The following SLC35F4 variants were observed in gnomAD, a reference collection of about 807,000 sequenced individuals.
SLC35F4 encodes chromosome 14 open reading frame 36.
SLC35F4 carries 24 observed loss-of-function variants against 44.2 expected under a neutral mutation model. The observed-to-expected ratio is 0.54, with a 90% CI of 0.39 to 0.76. SLC35F4 has a LOEUF of 0.76. Among genes scored for constraint, SLC35F4 ranks in the 30% least tolerant of loss-of-function variants. The probability of loss-of-function intolerance (pLI) is 0.00; values close to 1 mark genes in which losing one functional copy is unlikely to be tolerated. For missense variants in SLC35F4, 562 were observed against 586.1 expected (o/e 0.96, Z 0.42); for synonymous variants, 238 against 223.6 (o/e 1.06, Z -0.57).
Position 57,604,184 on chromosome 14 carries a change from C to T in SLC35F4, c.104-10060G>A, listed in dbSNP as rs574253566. 19 of 152,264 alleles carry T rather than the reference C, an allele frequency of 1.2e-4. 1 individual carries two copies. The South Asian group carries it at 1.7e-3, about 13-fold the overall frequency. The allele number at this position is 152,264 out of a possible 1,614,324, so 9.4% of individuals were successfully genotyped here. ...ACATCACTTCTCTTCTGTATCACTC[C>T]GGTCACTGTGATAACGCCAACAGCA... On this transcript the variant is annotated intron_variant, in intron 1 of 7. Coordinates refer to ENST00000556826, the MANE Select transcript of SLC35F4 (RefSeq NM_001306087.2).
At chr14:57,710,172 T>C (rs1251315683) in intron 1 of SLC35F4, among the ~76,000 whole-genome samples, 1 of 152,216 alleles carries the variant, frequency 6.6e-6, no homozygotes, top group Non-Finnish European at 1.5e-5. Flanking sequence ...TCCCAGCTGC[T>C]TCAGCTCCAG....
intron 1 of SLC35F4, among the ~76,000 whole-genome samples, chr14:57,600,877 C>A (rs772112278): frequency 6.6e-5 from 10 of 151,724 alleles, no homozygotes; most frequent in Non-Finnish European, 1.5e-4. Flanking sequence ...TCATAGAAAC[C>A]CACATGGAAT....
rs535883405 is a variant in SLC35F4 at position 57,756,267 on chromosome 14, CTTCATTTCATT to C, written c.103+109445_103+109455del. ...TCACACACCTTTTGGTGGTATTTTC[CTTCATTTCATT>C]TTCATTTCATTCAGTGCAAATTTCA... On this transcript the variant is annotated intron_variant, in intron 1 of 7. Coordinates refer to ENST00000556826, the MANE Select transcript of SLC35F4 (RefSeq NM_001306087.2). Among the ~76,000 whole-genome samples, 5 of 152,192 alleles carry C rather than the reference CTTCATTTCATT, an allele frequency of 3.3e-5. No individual in the cohort carries two copies. The East Asian group carries it at 9.7e-4, about 29-fold the overall frequency.
chr14:57,975,859 G>A (rs1476073673), downstream of SLC35F4, among the ~76,000 whole-genome samples: 1 of 152,212 alleles, frequency 6.6e-6, no homozygotes, highest in African/African-American at 2.4e-5. Flanking sequence ...AAATGGTAGT[G>A]CATAATTGTC....
In SLC35F4 at chr14:57,928,086, C is replaced by A. The variant is rs188519813; in HGVS notation, n.282+53827G>T. On this transcript the variant is annotated intron_variant and non_coding_transcript_variant, in intron 1 of 1. Transcript: ENST00000556568. ...AAAAAAAAACCTGTGGACCCACCCT[C>A]ACCCATACAAGCAAAGACTCATGGG... Among the ~76,000 whole-genome samples, 57 of 151,962 alleles carry A rather than the reference C, an allele frequency of 3.8e-4. 1 individual carries two copies. In the East Asian group the frequency reaches 8.5e-3, roughly 23 times the overall value.
intron 6 of SLC35F4, among the ~76,000 whole-genome samples, chr14:57,567,533 G>A (rs1233997895): frequency 1.3e-5 from 2 of 152,198 alleles, no homozygotes; most frequent in Non-Finnish European, 2.9e-5. Flanking sequence ...GTGCTTGGTA[G>A]TTAGAAACAG....
Position 57,646,421 on chromosome 14 carries a change from A to G in SLC35F4, c.104-52297T>C, listed in dbSNP as rs540190580. On this transcript the variant is annotated intron_variant, in intron 1 of 7. Coordinates refer to ENST00000556826, the MANE Select transcript of SLC35F4 (RefSeq NM_001306087.2). ...CTAGTTTATTTGCGTAGAGGTATCT[A>G]TAGTATTCTCTGACGGTAGTTTGTA... 9.5e-3 allele frequency among the ~76,000 whole-genome samples: 1,442 copies of G among 152,208 alleles called. 30 individuals carry two copies. The highest frequency in any genetic ancestry group is 0.032 in the African/African-American group (1,329 of 41,520).
chr14:57,698,303 T>G (rs2075440589), intron 1 of SLC35F4, among the ~76,000 whole-genome samples: 1 of 152,200 alleles, frequency 6.6e-6, no homozygotes, highest in Admixed American at 6.6e-5. Context: ...AAGATCCTTG[T>G]TAGGGCACAC....
At chr14:57,962,403 C>G (rs1232646900) in intron 1 of SLC35F4, among the ~76,000 whole-genome samples, 2 of 152,192 alleles carry the variant, frequency 1.3e-5, no homozygotes, top group Non-Finnish European at 2.9e-5. Flanking sequence ...TCCCTGTGAG[C>G]AGCCCTGGCA....
At chr14:57,644,331 C>T (rs2073393944) in intron 1 of SLC35F4, among the ~76,000 whole-genome samples, 1 of 152,302 alleles carries the variant, frequency 6.6e-6, no homozygotes, top group East Asian at 1.9e-4. Context: ...GAGATGGTAT[C>T]TCACTGTGGT....
intron 1 of SLC35F4, among the ~76,000 whole-genome samples, chr14:57,839,041 G>A (rs537573637): frequency 5.9e-5 from 9 of 152,138 alleles, no homozygotes; most frequent in Admixed American, 2.6e-4. Context: ...AAGGACACAG[G>A]GGTCTTAAGG....
chr14:57,765,026 C>A (rs954456933), intron 1 of SLC35F4, among the ~76,000 whole-genome samples: 2 of 152,140 alleles, frequency 1.3e-5, no homozygotes, highest in African/African-American at 4.8e-5. Flanking sequence ...ACATTGAGTG[C>A]CAACTTAATC....
chr14:57,661,954 A>G (rs1566737479), intron 1 of SLC35F4, among the ~76,000 whole-genome samples: 2 of 152,294 alleles, frequency 1.3e-5, no homozygotes, highest in East Asian at 3.9e-4. Context: ...AACATAAAGA[A>G]CTGAGTGTAG....
At chr14:57,652,564 C>T (rs2073822939) in intron 1 of SLC35F4, among the ~76,000 whole-genome samples, 4 of 152,132 alleles carry the variant, frequency 2.6e-5, no homozygotes, top group South Asian at 2.1e-4. Flanking sequence ...GAGGTGGGTG[C>T]TGCTGGCATC....
At chr14:57,891,153 C>T (rs1443404884) in intron 1 of SLC35F4, among the ~76,000 whole-genome samples, 1 of 152,138 alleles carries the variant, frequency 6.6e-6, no homozygotes, top group Non-Finnish European at 1.5e-5. Context: ...CTCCTGTTGG[C>T]TCCTGTAAGT....
chr14:57,967,405 G>A (rs555648835), intron 1 of SLC35F4, among the ~76,000 whole-genome samples: 1 of 152,266 alleles, frequency 6.6e-6, no homozygotes, highest in East Asian at 1.9e-4. Flanking sequence ...TATTCCATAT[G>A]GTTACATGCA....
chr14:57,604,140 G>C (rs1022916932), intron 1 of SLC35F4: 3 of 152,154 alleles, frequency 2.0e-5, no homozygotes, highest in African/African-American at 7.2e-5. Flanking sequence ...AGGGTAGAGA[G>C]AATCTCTTAG....
At chr14:57,771,475 A>T (rs1403397319) in intron 1 of SLC35F4, among the ~76,000 whole-genome samples, 1 of 152,236 alleles carries the variant, frequency 6.6e-6, no homozygotes, top group Non-Finnish European at 1.5e-5. Flanking sequence ...ATTTTCTGTC[A>T]ACATAAAAAA....
At chr14:57,691,953 T>C (rs2075245800) in intron 1 of SLC35F4, among the ~76,000 whole-genome samples, 1 of 152,130 alleles carries the variant, frequency 6.6e-6, no homozygotes, top group African/African-American at 2.4e-5. Context: ...AGTTCAGATG[T>C]GGAACACGAT....
Sources: gnomAD v4.1 joint callset for allele counts (sites outside exome capture counted in the v4.1 genomes callset) on GRCh38, gnomAD v4.1.1 for gene constraint, MANE v1.5 for transcripts, NCBI Gene and HGNC (gene_info 2026-07-23, HGNC 2026-07-21) for gene names.